Variants in SLC38A3 observed in about 807,000 individuals in gnomAD.
SLC38A3 encodes the protein sodium-coupled neutral amino acid transporter 3.
SLC38A3 carries 17 observed loss-of-function variants against 59.5 expected under a neutral mutation model. The observed-to-expected ratio is 0.29, with a 90% CI of 0.20 to 0.43. The LOEUF is 0.43. Among genes scored for constraint, SLC38A3 ranks in the 20% least tolerant of loss-of-function variants. The pLI is 1.00. For synonymous variants in SLC38A3, 238 were observed against 260.3 expected (o/e 0.91, Z 0.82); for missense variants, 454 against 653.9 (o/e 0.69, Z 3.33).
chr3:50,213,554 G>C (rs977826666), intron 1 of SLC38A3, among the ~76,000 whole-genome samples: 1 of 152,202 alleles, frequency 6.6e-6, no homozygotes, highest in Non-Finnish European at 1.5e-5. Context: ...CGTTCCCAGC[G>C]CCAGCTCTCA....
chr3:50,213,715 C>A (rs2109153566), intron 1 of SLC38A3, among the ~76,000 whole-genome samples: 1 of 152,336 alleles, frequency 6.6e-6, no homozygotes, highest in East Asian at 1.9e-4. Flanking sequence ...AGGGCCAGTG[C>A]AGGAAACCAT....
Position 50,214,116 on chromosome 3 carries a change from CG to C in SLC38A3, c.-51-29del. The C allele has an allele frequency of 7.4e-7, 1 of 1,344,832 alleles. No homozygotes were observed. Among genetic ancestry groups the C allele is most frequent in the Non-Finnish European group, 1.0e-6 (1 of 959,444 alleles). 83.3% of individuals were successfully genotyped at this position (1,344,832 alleles called of 1,614,324 possible). Reference sequence around the variant, plus strand: ...GAGGCTAGGCCGTAGGCCCAAGTAACGGGGCTAACCAGAGGGACCGGCTGCT... The same window carrying C: ...GAGGCTAGGCCGTAGGCCCAAGTAACGGGCTAACCAGAGGGACCGGCTGCT... On this transcript the variant is annotated intron_variant, in intron 1 of 15. Transcript: ENST00000614032. The surrounding 1 kb of genome is among the most constrained non-coding windows in gnomAD (Gnocchi z 6.0).
At chr3:50,206,784 T>C (rs1345402282) in intron 1 of SLC38A3, among the ~76,000 whole-genome samples, 3 of 152,230 alleles carry the variant, frequency 2.0e-5, no homozygotes, top group East Asian at 1.9e-4. Context: ...ATGGGACCCA[T>C]GTCTTCGCTG....
At chr3:50,210,055 A>T (rs1258564767) in intron 1 of SLC38A3, among the ~76,000 whole-genome samples, 1 of 152,200 alleles carries the variant, frequency 6.6e-6, no homozygotes, top group Non-Finnish European at 1.5e-5. Flanking sequence ...GCAATCAGCT[A>T]CCACCAATTC....
At chr3:50,219,720 A>G (rs915090805) in intron 14 of SLC38A3, among the ~76,000 whole-genome samples, 161 bp from the exon 15 acceptor site, 7 of 152,186 alleles carry the variant, frequency 4.6e-5, no homozygotes, top group African/African-American at 1.7e-4. Context: ...ATGGAGAACA[A>G]GGGGGAGAGG....
chr3:50,215,048 G>T lies in SLC38A3; in HGVS notation c.299+280G>T. On this transcript the variant is annotated intron_variant, in intron 4 of 15. Coordinates refer to ENST00000614032, the MANE Select transcript of SLC38A3 (RefSeq NM_006841.6). The surrounding 1 kb of genome is among the most constrained non-coding windows in gnomAD (Gnocchi z 7.1). ...TGGCCAAGCCCCACGGCCAGGCCTT[G>T]TGTGGGCACACGTGTCCTTTGGCTG... The T allele has an allele frequency of 1.7e-6, 1 of 574,808 alleles. No individual in the cohort carries two copies. Among genetic ancestry groups the T allele is most frequent in the South Asian group, 2.1e-5 (1 of 48,354 alleles). The allele number at this position is 574,808 out of a possible 1,614,324, so 35.6% of individuals were successfully genotyped here.
intron 1 of SLC38A3, among the ~76,000 whole-genome samples, chr3:50,208,335 T>C (rs1699673764): frequency 6.6e-6 from 1 of 151,702 alleles, no homozygotes; most frequent in South Asian, 2.1e-4. Context: ...TGATCTTGGT[T>C]CACTGTAGCC....
rs892886637 is a variant in SLC38A3, at chr3:50,218,666, C to T, written c.1110C>T (p.Arg370=). The part of the protein sequence containing the change: ...DPFDVLILCV[R]VAVLTAVTLT... ...TTGACGTCCTGATCCTGTGTGTGCG[C>T]GTGGCCGTGCTGACAGCAGTCACGC... Residue 370 remains arginine, a synonymous_variant, in exon 13 of 16, where the codon CGC becomes CGT. Transcript: ENST00000614032. The surrounding 1 kb of genome is among the most constrained non-coding windows in gnomAD (Gnocchi z 5.8). 1.3e-5 allele frequency: 21 copies of T among 1,613,410 alleles called. No homozygotes were observed. Among genetic ancestry groups the T allele is most frequent in the African/African-American group, 4.0e-5 (3 of 74,912 alleles).
intron 1 of SLC38A3, among the ~76,000 whole-genome samples, 160 bp downstream of exon 1, chr3:50,205,508 C>A (rs903065890): frequency 2.8e-4 from 43 of 152,386 alleles, no homozygotes; most frequent in African/African-American, 9.4e-4. Context: ...CCCGCGCGCT[C>A]CAGGCGCTGG....
chr3:50,214,700 T>A lies in SLC38A3; in HGVS notation c.231T>A (p.Asn77Lys). The A allele has an allele frequency of 6.2e-7, 1 of 1,600,466 alleles. No homozygotes were observed. Among genetic ancestry groups the A allele is most frequent in the Non-Finnish European group, 8.5e-7 (1 of 1,171,766 alleles). The change falls in exon 4 of 16, where the codon AAT (asparagine) becomes AAA (lysine). Residue 77 changes from asparagine (N) to lysine (K), a missense_variant. By Grantham distance (94) the Asn-to-Lys change is moderately conservative (BLOSUM62 0). Transcript: ENST00000614032. This position sits in a 1 kb window ranked among gnomAD's most constrained non-coding sequence, Gnocchi z 6.0. ...GGATGTCAGTGTTCAACCTCAGCAA[T>A]GCCATCATGGGCAGCGGCATCCTGG... ...SFGMSVFNLS[N>K]AIMGSGILGL...
chr3:50,210,939 G>T (rs566868604), intron 1 of SLC38A3, among the ~76,000 whole-genome samples: 3 of 152,258 alleles, frequency 2.0e-5, no homozygotes, highest in Admixed American at 1.3e-4. Context: ...ACTGTTCTGG[G>T]GATGAAGGCT....
chr3:50,216,598 C>T (rs1199224484), intron 7 of SLC38A3, among the ~76,000 whole-genome samples: 1 of 152,202 alleles, frequency 6.6e-6, no homozygotes, highest in Admixed American at 6.5e-5. Context: ...CCTCTTCCTC[C>T]TCCCACCCAC....
Position 50,218,232 on chromosome 3 carries a change from A to T in SLC38A3, c.936-38A>T. 1 of 1,337,154 alleles carries T rather than the reference A, an allele frequency of 7.5e-7. No individual in the cohort carries two copies. The highest frequency in any genetic ancestry group is 1.1e-6 in the Non-Finnish European group (1 of 924,842). The allele number at this position is 1,337,154 out of a possible 1,614,324, so 82.8% of individuals were successfully genotyped here. ...ACATGGGGGTCTCCCAATGTTACCC[A>T]GCTTGTCACCAACACCCACCCCCCC... On this transcript the variant is annotated intron_variant, in intron 11 of 15. Transcript: ENST00000614032. This position sits in a 1 kb window ranked among gnomAD's most constrained non-coding sequence, Gnocchi z 5.8.
chr3:50,219,811 A>G (rs1699871517), intron 14 of SLC38A3, 70 bp from the exon 15 acceptor site: 1 of 1,278,738 alleles, frequency 7.8e-7, no homozygotes, highest in South Asian at 1.3e-5. Context: ...ATCTCATTGA[A>G]GAGTCCACCC....
At position 50,218,726 on chromosome 3, in the gene SLC38A3, G is replaced by C; in HGVS notation, c.1161+9G>C. 10 of 1,603,866 alleles carry C rather than the reference G, an allele frequency of 6.2e-6. No homozygotes were observed. The highest frequency in any genetic ancestry group is 8.5e-6 in the Non-Finnish European group (10 of 1,171,308). On this transcript the variant is annotated intron_variant, in intron 13 of 15. Transcript: ENST00000614032. The surrounding 1 kb of genome is among the most constrained non-coding windows in gnomAD (Gnocchi z 5.8). ...CCATCGTTCTGTTCCCGGTGAGCTG[G>C]TGGGCAGGTGGCTAGACTAGTGGCG...
intron 1 of SLC38A3, among the ~76,000 whole-genome samples, chr3:50,213,662 T>A (rs1432390272): frequency 2.0e-5 from 3 of 152,196 alleles, no homozygotes; most frequent in African/African-American, 7.2e-5. Flanking sequence ...CCTCCAGCCG[T>A]CGGGCAGTGC....
Position 50,220,052 on chromosome 3 carries a change from C to T in SLC38A3, c.1411-21C>T, listed in dbSNP as rs775830966. The T allele has an allele frequency of 3.1e-6, 5 of 1,602,902 alleles. No homozygotes were observed. The South Asian group carries it at 4.5e-5, about 14-fold the overall frequency. On this transcript the variant is annotated intron_variant, in intron 15 of 15. Coordinates refer to ENST00000614032, the MANE Select transcript of SLC38A3 (RefSeq NM_006841.6). ...GGAACTGCCCTGACCTCGGACCTGACCCTGACTTCTGATTCCACAGGCCCT... is the reference window on the plus strand; with the variant it reads ...GGAACTGCCCTGACCTCGGACCTGATCCTGACTTCTGATTCCACAGGCCCT...
rs755687522 is a variant in SLC38A3 at position 50,218,255 on chromosome 3, C to T, written c.936-15C>T. On this transcript the variant is annotated splice_polypyrimidine_tract_variant and intron_variant, in intron 11 of 15. Transcript: ENST00000614032. This position sits in a 1 kb window ranked among gnomAD's most constrained non-coding sequence, Gnocchi z 5.8. Reference sequence around the variant, plus strand: ...CCAGCTTGTCACCAACACCCACCCCCCCACTTCCCCACAGCCCCTCCAAGA... The same window carrying T: ...CCAGCTTGTCACCAACACCCACCCCTCCACTTCCCCACAGCCCCTCCAAGA... The T allele has an allele frequency of 6.5e-7, 1 of 1,529,562 alleles. No homozygotes were observed. Among genetic ancestry groups the T allele is most frequent in the Non-Finnish European group, 9.1e-7 (1 of 1,102,602 alleles). The allele number at this position is 1,529,562 out of a possible 1,614,324, so 94.7% of individuals were successfully genotyped here. A position where few individuals can be genotyped will look rare whatever the true frequency, so the allele number is the denominator to read the frequency against.
intron 1 of SLC38A3, among the ~76,000 whole-genome samples, chr3:50,206,586 C>T (rs372023048): frequency 2.2e-4 from 34 of 152,354 alleles, no homozygotes; most frequent in African/African-American, 7.9e-4. Flanking sequence ...CCACGGTACC[C>T]TTCCTGCAAG....
Sources: gnomAD v4.1 joint callset for allele counts (sites outside exome capture counted in the v4.1 genomes callset) on GRCh38, gnomAD v4.1.1 for gene constraint, Gnocchi (gnomAD v3.1) non-coding constraint, MANE v1.5 for transcripts, NCBI Gene and HGNC (gene_info 2026-07-23, HGNC 2026-07-21) for gene names.